The following ANK2 variants were observed in gnomAD, a reference collection of about 807,000 sequenced individuals.
ANK2 encodes ankyrin 2, also known as ankyrin-2.
ANK2 carries 83 observed loss-of-function variants against 360.5 expected under a neutral mutation model. The ratio of observed to expected loss-of-function variants is 0.23; its 90% CI spans 0.19 to 0.28. ANK2 has a LOEUF of 0.28. Ranked by LOEUF, ANK2 falls within the 10% of genes least tolerant of loss-of-function variation. ANK2 has a pLI of 1.00. For missense variants in ANK2, 4,201 were observed against 4,795.7 expected, an observed-to-expected ratio of 0.88 and a Z score of 3.66; for synonymous variants, 1,740 against 1,759.5, an observed-to-expected ratio of 0.99 and a Z score of 0.28.
the ANK2 span, among the ~76,000 whole-genome samples, chr4:112,780,280 A>C: frequency 6.6e-6 from 1 of 152,170 alleles, no homozygotes. Flanking sequence ...TTGCTTGTGC[A>C]TCTCCAGTCA....
chr4:113,324,105 A>G (rs1296425081), intron 26 of ANK2, among the ~76,000 whole-genome samples: 3 of 152,192 alleles, frequency 2.0e-5, no homozygotes, highest in Non-Finnish European at 4.4e-5. Context: ...CTACATAGAG[A>G]TGAAAAATGT....
At chr4:112,745,459 TTTAG>T in the ANK2 span, among the ~76,000 whole-genome samples, 5 of 152,104 alleles carry the variant, frequency 3.3e-5, 1 homozygote, top group South Asian at 8.3e-4. Flanking sequence ...ATTATGCTCT[TTTAG>T]TTATTTTTAA....
In ANK2 at chr4:113,354,469, G is replaced by C; in HGVS notation, c.5851G>C (p.Val1951Leu). 1 of 1,614,082 alleles carries C rather than the reference G, an allele frequency of 6.2e-7. No homozygotes were observed. Among genetic ancestry groups the C allele is most frequent in the African/African-American group, 1.3e-5 (1 of 75,002 alleles). ...CGGAAGAACGGACAAGCACCAACCT[G>C]TATCAACAGCTGGGAAAACTGAGAA... Reference protein sequence around the residue: ...PSGRTDKHQPVSTAGKTEKHL... With the variant: ...PSGRTDKHQPLSTAGKTEKHL... The change falls in exon 38 of 46, where the codon GTA becomes CTA. Residue 1951 changes from valine to leucine, a missense_variant. Val to Leu is a conservative substitution (Grantham distance 32). Coordinates refer to ENST00000357077, the MANE Select transcript of ANK2 (RefSeq NM_001148.6).
intron 34 of ANK2, among the ~76,000 whole-genome samples, chr4:113,343,991 CAT>C (rs1032306331): frequency 3.3e-5 from 5 of 151,696 alleles, no homozygotes; most frequent in Non-Finnish European, 7.4e-5. Context: ...TTTTTCCAAA[CAT>C]GTGTCTGCAA....
chr4:113,136,999 C>T (rs1246862598), intron 1 of ANK2, among the ~76,000 whole-genome samples: 1 of 152,002 alleles, frequency 6.6e-6, no homozygotes, highest in African/African-American at 2.4e-5. Context: ...CTCAAGTGAT[C>T]CACCCGCCTT....
At chr4:113,272,345 A>T (rs1431363466) in intron 14 of ANK2, among the ~76,000 whole-genome samples, 1 of 152,198 alleles carries the variant, frequency 6.6e-6, no homozygotes, top group Admixed American at 6.5e-5. Context: ...GGTCTATGTG[A>T]TCAGGCTTCC....
intron 2 of ANK2, among the ~76,000 whole-genome samples, chr4:113,184,356 C>T (rs1300584592): frequency 6.6e-6 from 1 of 151,682 alleles, no homozygotes; most frequent in Non-Finnish European, 1.5e-5. Context: ...AAGTTTAGCC[C>T]AGACAGTCCC....
chr4:113,311,519 C>T, intron 24 of ANK2, 120 bp downstream of exon 24: 2 of 1,280,336 alleles, frequency 1.6e-6, no homozygotes, highest in Non-Finnish European at 2.2e-6. Flanking sequence ...TTAATCTCAG[C>T]AGTTAGCATG....
At chr4:113,171,889 T>C (rs2097972430) in intron 1 of ANK2, among the ~76,000 whole-genome samples, 1 of 152,196 alleles carries the variant, frequency 6.6e-6, no homozygotes, top group East Asian at 1.9e-4. Context: ...CAGACCATCA[T>C]TGCCACTCCA....
chr4:113,301,600 T>TATAC (rs2075045219), intron 22 of ANK2, among the ~76,000 whole-genome samples: 1 of 152,170 alleles, frequency 6.6e-6, no homozygotes, highest in African/African-American at 2.4e-5. Context: ...CCAACTAAAA[T>TATAC]TTTGTATCTT....
At chr4:112,722,057 A>G in the ANK2 span, among the ~76,000 whole-genome samples, 2 of 152,172 alleles carry the variant, frequency 1.3e-5, no homozygotes, top group East Asian at 1.9e-4. Context: ...TTAAACATCC[A>G]CAGGCTTTTG....
chr4:112,932,858 A>T (rs375856837), intron 2 of ANK2, among the ~76,000 whole-genome samples: 2 of 152,172 alleles, frequency 1.3e-5, no homozygotes, highest in Non-Finnish European at 2.9e-5. Context: ...TTCTATATTC[A>T]GAATAATGTA....
intron 31 of ANK2, among the ~76,000 whole-genome samples, chr4:113,337,617 C>A (rs932977786): frequency 1.3e-5 from 2 of 152,096 alleles, no homozygotes; most frequent in Non-Finnish European, 2.9e-5. Context: ...ATTTTCATTT[C>A]TCTTTCATAT....
At chr4:113,056,633 G>A (rs553823375) in intron 1 of ANK2, among the ~76,000 whole-genome samples, 1 of 152,014 alleles carries the variant, frequency 6.6e-6, no homozygotes, top group South Asian at 2.1e-4. Flanking sequence ...TGCTACCCAG[G>A]GAGACAATCT....
chr4:112,764,657 A>G, the ANK2 span, among the ~76,000 whole-genome samples: 1 of 143,944 alleles, frequency 6.9e-6, no homozygotes, highest in East Asian at 2.1e-4. Flanking sequence ...TCTTTGTATT[A>G]TTTATTGCCT....
intron 4 of ANK2, among the ~76,000 whole-genome samples, chr4:113,209,385 A>T (rs2098994280): frequency 6.6e-6 from 1 of 152,000 alleles, no homozygotes; most frequent in Admixed American, 6.5e-5. Flanking sequence ...GCATCAATGC[A>T]GATTCTCTAC....
the ANK2 span, among the ~76,000 whole-genome samples, chr4:112,713,221 T>G: frequency 6.6e-6 from 1 of 152,210 alleles, no homozygotes; most frequent in Non-Finnish European, 1.5e-5. Context: ...CTGAGTAGTA[T>G]TCCATCGTAT....
chr4:112,827,626 A>G (rs1358284110), intron 1 of ANK2: 2 of 829,440 alleles, frequency 2.4e-6, no homozygotes, highest in Non-Finnish European at 4.0e-6. Context: ...CTCTCCATCC[A>G]GATCCTTGCA....
At chr4:113,374,612 C>T (rs7672585) in intron 45 of ANK2, among the ~76,000 whole-genome samples, 151 of 152,144 alleles carry the variant, frequency 9.9e-4, no homozygotes, top group Admixed American at 1.6e-3. Context: ...GGTTATAGTT[C>T]GTTTTTTTCT....
Sources: allele counts gnomAD v4.1 joint callset (sites outside exome capture counted in the v4.1 genomes callset), GRCh38; gene constraint gnomAD v4.1.1; transcripts MANE v1.5; gene names NCBI Gene and HGNC (gene_info 2026-07-23, HGNC 2026-07-21).